PHEX: variants seen among roughly 807,000 people sequenced by gnomAD.
PHEX encodes the protein phosphate-regulating neutral endopeptidase PHEX.
PHEX carries 16 observed loss-of-function variants against 68.0 expected under a neutral mutation model. The ratio of observed to expected loss-of-function variants is 0.24; its 90% confidence interval spans 0.16 to 0.36. PHEX has a LOEUF of 0.36. PHEX is among the 10% of genes least tolerant of loss of function. PHEX has a pLI of 1.00. For missense variants in PHEX, 480 were observed against 575.5 expected (o/e 0.83, Z 1.70); for synonymous variants, 208 against 205.1 (o/e 1.01, Z -0.12).
At chrX:22,060,362 A>G (rs1425536230) in intron 3 of PHEX, among the ~76,000 whole-genome samples, 5 of 110,742 alleles carry the variant, frequency 4.5e-5, no homozygotes, top group African/African-American at 1.6e-4. Context: ...GGAGTAGGGG[A>G]ACTGCAAACC....
At chrX:22,124,787 A>G (rs748040335) in intron 11 of PHEX, among the ~76,000 whole-genome samples, 20 of 112,255 alleles carry the variant, frequency 1.8e-4, no homozygotes, top group Non-Finnish European at 3.2e-4. Context: ...AGATAAAAGG[A>G]CATGAGAAAC....
At chrX:22,120,097 T>C (rs1931424934) in intron 11 of PHEX, among the ~76,000 whole-genome samples, 1 of 111,683 alleles carries the variant, frequency 9.0e-6, no homozygotes, top group Non-Finnish European at 1.9e-5. Flanking sequence ...CAGTAGCAGT[T>C]AGCTTTCACT....
At chrX:22,081,187 C>G (rs944062725) in intron 5 of PHEX, among the ~76,000 whole-genome samples, 2 of 110,533 alleles carry the variant, frequency 1.8e-5, no homozygotes, top group Non-Finnish European at 3.8e-5. Flanking sequence ...TCTTGGTGGC[C>G]CCATTTCTCG....
chrX:22,143,347 C>T (rs1361104716), intron 12 of PHEX, among the ~76,000 whole-genome samples: 1 of 111,699 alleles, frequency 9.0e-6, no homozygotes, highest in Non-Finnish European at 1.9e-5. Context: ...CTCCAAATAC[C>T]CTGACTTGAT....
chrX:22,136,591 C>G (rs1217435229), intron 12 of PHEX, among the ~76,000 whole-genome samples: 1 of 111,982 alleles, frequency 8.9e-6, no homozygotes, highest in African/African-American at 3.2e-5. Flanking sequence ...AGCTCTGGAC[C>G]GCAGCTAATT....
chrX:22,106,778 CAAA>C (rs10647092), intron 9 of PHEX, among the ~76,000 whole-genome samples: 1 of 53,334 alleles, frequency 1.9e-5, no homozygotes. Flanking sequence ...AACTCTGTCT[CAAA>C]AAAAAAAAAA....
intron 9 of PHEX, chrX:22,099,354 T>C: frequency 2.3e-6 from 1 of 435,822 alleles, no homozygotes. Context: ...ACAAATGTTT[T>C]TGCCCTTTAT....
chrX:22,232,596 C>CTTTTTTTTTTTT lies in PHEX; in HGVS notation c.2070+5004_2070+5015dup, dbSNP rs745474280. On this transcript the variant is annotated intron_variant, in intron 20 of 21. Transcript: ENST00000379374. The stretch of plus-strand genomic sequence containing the variant: ...TCAGAGATTAGGATTGCCACTTCTG[C>CTTTTTTTTTTTT]TTTTTTTTTTTTTTTTTTTTTTTTT... Among the ~76,000 whole-genome samples, 60 of 18,547 alleles carry CTTTTTTTTTTTT rather than the reference C, an allele frequency of 3.2e-3. 15 individuals carry two copies. The highest frequency in any genetic ancestry group is 4.8e-3 in the Non-Finnish European group (47 of 9,732). The allele number at this position is 18,547 out of a possible 115,157, so 16.1% of individuals were successfully genotyped here.
intron 12 of PHEX, among the ~76,000 whole-genome samples, chrX:22,152,264 T>C (rs923144344): frequency 2.7e-5 from 3 of 111,710 alleles, no homozygotes; most frequent in African/African-American, 9.8e-5. Context: ...CTTGTACAGT[T>C]AGGGTAGGAT....
intron 14 of PHEX, among the ~76,000 whole-genome samples, chrX:22,181,504 T>C (rs1443565490): frequency 1.8e-5 from 2 of 112,051 alleles, no homozygotes; most frequent in African/African-American, 6.5e-5. Context: ...AATTTGAAGT[T>C]AAGTAATGTG....
intron 20 of PHEX, among the ~76,000 whole-genome samples, chrX:22,234,605 C>T (rs747296447): frequency 8.2e-5 from 9 of 109,290 alleles, no homozygotes; most frequent in East Asian, 2.9e-4. Context: ...CATTGGGGAA[C>T]GCCCCTTCCC....
rs1289446981 is a variant in PHEX, at chrX:22,033,245, G to A, written c.118+122G>A. ...CTGTTTGCCTGCGTTCATAGGTGGT[G>A]TATCTTTAGTTTCTATCAAATATGC... is the stretch of plus-strand genomic sequence containing the variant. On this transcript the variant is annotated intron_variant, in intron 1 of 21. Transcript: ENST00000379374. 12 of 528,046 alleles carry A rather than the reference G, an allele frequency of 2.3e-5. 1 individual carries two copies. The highest frequency in any genetic ancestry group is 4.3e-4 in the Middle Eastern group (1 of 2,341). The allele number at this position is 528,046 out of a possible 1,213,427, so 43.5% of individuals were successfully genotyped here.
At chrX:22,047,265 G>C in intron 3 of PHEX, 54 bp downstream of exon 3, 1 of 1,013,703 alleles carries the variant, frequency 9.9e-7, no homozygotes, top group Non-Finnish European at 1.4e-6. Context: ...ATATTTGACA[G>C]GAAAAACATA....
intron 14 of PHEX, among the ~76,000 whole-genome samples, chrX:22,178,885 G>A (rs1933793883): frequency 8.9e-6 from 1 of 111,773 alleles, no homozygotes. Flanking sequence ...GCCTATAGGA[G>A]TTTTTCCTAC....
At position 22,102,014 on chromosome X, in the gene PHEX, T is replaced by A. The variant is rs1602295200; in HGVS notation, c.1079+2863T>A. On this transcript the variant is annotated intron_variant, in intron 9 of 21. Coordinates refer to ENST00000379374, the MANE Select transcript of PHEX (RefSeq NM_000444.6). ...GATACAGGAATGTAATGCATAATAA[T>A]CACATCAAGGTAAATGGGGTATCTA... Among the ~76,000 whole-genome samples, 4 of 111,854 alleles carry A rather than the reference T, an allele frequency of 3.6e-5. No homozygotes were observed. In the South Asian group the frequency reaches 1.5e-3, roughly 42 times the overall value.
chrX:22,100,661 T>C (rs1208017272), intron 9 of PHEX, among the ~76,000 whole-genome samples: 2 of 111,616 alleles, frequency 1.8e-5, no homozygotes, highest in Non-Finnish European at 3.8e-5. Context: ...TTTGGTTTAC[T>C]GTATTAGAAA....
intron 3 of PHEX, among the ~76,000 whole-genome samples, chrX:22,049,959 A>G (rs1160232497): frequency 1.8e-5 from 2 of 112,796 alleles, no homozygotes; most frequent in African/African-American, 6.4e-5. Context: ...TATAAAGTAG[A>G]AGTCATCAAA....
chrX:22,055,198 A>C (rs1351665686), intron 3 of PHEX, among the ~76,000 whole-genome samples: 16 of 82,122 alleles, frequency 1.9e-4, no homozygotes, highest in African/African-American at 5.7e-4. Context: ...AAAAAAAAAA[A>C]AAAAAAAAAA....
At chrX:22,108,271 A>G (rs372825322) in intron 9 of PHEX, among the ~76,000 whole-genome samples, 1 of 111,638 alleles carries the variant, frequency 9.0e-6, no homozygotes, top group African/African-American at 3.3e-5. Context: ...TGAGAAGAAC[A>G]TTTTAGAACT....
Sources: gnomAD v4.1 joint callset for allele counts (sites outside exome capture counted in the v4.1 genomes callset) on GRCh38, gnomAD v4.1.1 for gene constraint, MANE v1.5 for transcripts, NCBI Gene and HGNC (gene_info 2026-07-23, HGNC 2026-07-21) for gene names.